The following GPM6A variants were observed in gnomAD, a reference collection of about 807,000 sequenced individuals.
GPM6A encodes neuronal membrane glycoprotein M6-a.
A neutral mutation model predicts 32.1 loss-of-function variants in GPM6A; 7 were observed. The ratio of observed to expected loss-of-function variants is 0.22; its 90% CI spans 0.12 to 0.41. The LOEUF (loss-of-function observed/expected upper bound fraction) is 0.41. Ranked by LOEUF, GPM6A falls within the 10% of genes least tolerant of loss-of-function variation. The pLI is 1.00. For synonymous variants in GPM6A, 130 were observed against 123.4 expected, an observed-to-expected ratio of 1.05 and a Z score of -0.35; for missense variants, 235 against 347.2, an observed-to-expected ratio of 0.68 and a Z score of 2.57.
intron 1 of GPM6A, among the ~76,000 whole-genome samples, chr4:175,751,008 A>G (rs983696142): frequency 2.0e-5 from 3 of 152,218 alleles, no homozygotes; most frequent in Non-Finnish European, 2.9e-5. Flanking sequence ...CTTCTCAGTA[A>G]TAAACATCAT....
chr4:175,677,985 C>A (rs1169198621), intron 2 of GPM6A, among the ~76,000 whole-genome samples: 1 of 152,108 alleles, frequency 6.6e-6, no homozygotes, highest in Non-Finnish European at 1.5e-5. Context: ...AATTATTGGA[C>A]CTCAACAATA....
intron 1 of GPM6A, among the ~76,000 whole-genome samples, chr4:175,763,063 A>C (rs569961491): frequency 6.6e-5 from 10 of 152,224 alleles, no homozygotes; most frequent in African/African-American, 2.4e-4. Context: ...GGTGAATGTT[A>C]TATGTAAAAT....
intron 1 of GPM6A, among the ~76,000 whole-genome samples, chr4:175,825,536 G>GC (rs1735407454): frequency 1.3e-5 from 2 of 152,142 alleles, no homozygotes; most frequent in South Asian, 4.1e-4. Flanking sequence ...CTAATGTCAG[G>GC]TTCTTACATG....
At chr4:175,724,180 T>C (rs1350378400) in intron 1 of GPM6A, among the ~76,000 whole-genome samples, 3 of 152,192 alleles carry the variant, frequency 2.0e-5, no homozygotes, top group Non-Finnish European at 2.9e-5. Flanking sequence ...TCAAGGCCAC[T>C]ATGTTAAGGG....
At chr4:175,711,489 T>C (rs1745543411) in intron 1 of GPM6A, among the ~76,000 whole-genome samples, 1 of 138,878 alleles carries the variant, frequency 7.2e-6, no homozygotes, top group Admixed American at 7.3e-5. Flanking sequence ...TATATAAATA[T>C]AATATATTTA....
chr4:175,897,328 TC>T (rs1295533308), intron 1 of GPM6A, among the ~76,000 whole-genome samples: 2 of 152,116 alleles, frequency 1.3e-5, no homozygotes, highest in African/African-American at 4.8e-5. Context: ...TACCCTGGCT[TC>T]TCCTTACTTC....
intron 2 of GPM6A, among the ~76,000 whole-genome samples, chr4:175,695,057 G>A (rs889737603): frequency 6.6e-6 from 1 of 152,200 alleles, no homozygotes; most frequent in Non-Finnish European, 1.5e-5. Context: ...GTAGTGTTAA[G>A]CCTGCAGGGG....
chr4:175,841,455 T>C (rs919610188), intron 1 of GPM6A, among the ~76,000 whole-genome samples: 2 of 152,114 alleles, frequency 1.3e-5, no homozygotes, highest in African/African-American at 4.8e-5. Context: ...AGAAATATGG[T>C]AAAATAAAGA....
intron 2 of GPM6A, among the ~76,000 whole-genome samples, chr4:175,694,287 C>G (rs556423759): frequency 6.6e-6 from 1 of 152,236 alleles, no homozygotes; most frequent in South Asian, 2.1e-4. Context: ...GTAGGCAGAG[C>G]CTGTAACAGT....
chr4:175,859,089 G>A (rs188787598), intron 1 of GPM6A, among the ~76,000 whole-genome samples: 16 of 152,280 alleles, frequency 1.1e-4, no homozygotes, highest in African/African-American at 3.1e-4. Context: ...GGTTGTTCAG[G>A]TAGAAAGAAT....
At chr4:175,843,205 T>C (rs890037892) in intron 1 of GPM6A, among the ~76,000 whole-genome samples, 1 of 152,114 alleles carries the variant, frequency 6.6e-6, no homozygotes, top group African/African-American at 2.4e-5. Flanking sequence ...ATTTCCTAGA[T>C]GAAGAGCATG....
At chr4:175,900,458 A>T (rs182622918) in intron 1 of GPM6A, among the ~76,000 whole-genome samples, 1 of 150,664 alleles carries the variant, frequency 6.6e-6, no homozygotes. Context: ...TGGGCAAAAA[A>T]TATGAACAAA....
At chr4:175,800,484 G>A (rs1478979474) in intron 1 of GPM6A, among the ~76,000 whole-genome samples, 1 of 152,034 alleles carries the variant, frequency 6.6e-6, no homozygotes, top group Non-Finnish European at 1.5e-5. Flanking sequence ...TAGTAAGATC[G>A]GGCGCATCAA....
intron 1 of GPM6A, among the ~76,000 whole-genome samples, chr4:175,929,080 A>T (rs1009046325): frequency 7.2e-5 from 11 of 152,228 alleles, no homozygotes; most frequent in African/African-American, 2.7e-4. Flanking sequence ...ATAAGTACAC[A>T]TTATCTTTCA....
chr4:175,827,745 A>G (rs1388301205), intron 1 of GPM6A, among the ~76,000 whole-genome samples: 1 of 152,190 alleles, frequency 6.6e-6, no homozygotes, highest in Non-Finnish European at 1.5e-5. Flanking sequence ...TTCATCCTCC[A>G]TGACCTCTTT....
intron 1 of GPM6A, among the ~76,000 whole-genome samples, chr4:175,932,342 G>A (rs1739077572): frequency 6.6e-6 from 1 of 152,084 alleles, no homozygotes; most frequent in African/African-American, 2.4e-5. Context: ...TCCATCTTCT[G>A]CCAGGCGAGG....
chr4:175,901,344 T>A (rs1159135494), intron 1 of GPM6A, among the ~76,000 whole-genome samples: 2 of 152,158 alleles, frequency 1.3e-5, no homozygotes, highest in Non-Finnish European at 2.9e-5. Context: ...GATGAATACC[T>A]CATTCTCCAT....
intron 1 of GPM6A, among the ~76,000 whole-genome samples, chr4:175,833,762 A>G (rs1208730355): frequency 1.3e-5 from 2 of 152,066 alleles, no homozygotes; most frequent in African/African-American, 4.8e-5. Flanking sequence ...GTCACAAATT[A>G]TTTTGGGTCC....
Position 175,949,338 on chromosome 4 carries a change from G to T in GPM6A, c.-23+52971C>A, listed in dbSNP as rs371296974. Among the ~76,000 whole-genome samples the T allele has an allele frequency of 3.9e-5, 6 of 152,102 alleles. No homozygotes were observed. In the South Asian group the frequency reaches 8.3e-4, roughly 21 times the overall value. ...GTTTTTGGTGGTGGTGGTAGAGACA[G>T]GGTCTCATGGCTGTGTTGCCCAGGC... is the stretch of plus-strand genomic sequence containing the variant. On this transcript the variant is annotated intron_variant, in intron 1 of 7. Transcript: ENST00000280187.
Sources: gnomAD v4.1 joint callset for allele counts (sites outside exome capture counted in the v4.1 genomes callset) on GRCh38, gnomAD v4.1.1 for gene constraint, MANE v1.5 for transcripts, NCBI Gene and HGNC (gene_info 2026-07-23, HGNC 2026-07-21) for gene names.